Variants in PRKN observed in about 807,000 individuals in gnomAD.
PRKN encodes the protein parkin RBR E3 ubiquitin protein ligase, also known as E3 ubiquitin-protein ligase parkin.
PRKN carries 56 observed loss-of-function variants against 59.5 expected under a neutral mutation model. The ratio of observed to expected loss-of-function variants is 0.94; its 90% CI spans 0.76 to 1.18. The LOEUF is 1.18. Ranked by LOEUF, PRKN falls within the 50% of genes most tolerant of loss-of-function variation. The probability of loss-of-function intolerance (pLI) is 0.00; values close to 1 mark genes in which losing one functional copy is unlikely to be tolerated. For synonymous variants in PRKN, 250 were observed against 222.1 expected (o/e 1.13, Z -1.12); for missense variants, 657 against 596.4 (o/e 1.10, Z -1.06).
intron 7 of PRKN, among the ~76,000 whole-genome samples, chr6:161,676,965 C>T (rs1249648032): frequency 6.6e-6 from 1 of 152,176 alleles, no homozygotes; most frequent in Non-Finnish European, 1.5e-5. Context: ...GGTCTTTCAT[C>T]ATGTTCAAGG....
chr6:161,515,989 A>G (rs1778572488), intron 9 of PRKN, among the ~76,000 whole-genome samples: 2 of 152,254 alleles, frequency 1.3e-5, no homozygotes, highest in South Asian at 4.1e-4. Context: ...GATTTATCTC[A>G]GTGACCTGTA....
chr6:162,376,238 T>G (rs980061584), intron 2 of PRKN, among the ~76,000 whole-genome samples: 1 of 152,104 alleles, frequency 6.6e-6, no homozygotes, highest in Non-Finnish European at 1.5e-5. Flanking sequence ...TAAGGGAATT[T>G]TGTTACTCCT....
At chr6:162,712,870 C>T (rs1778587871) in intron 1 of PRKN, among the ~76,000 whole-genome samples, 1 of 152,156 alleles carries the variant, frequency 6.6e-6, no homozygotes, top group African/African-American at 2.4e-5. Flanking sequence ...TTTTCCAGGC[C>T]TAACAAACTT....
At chr6:162,480,355 G>A (rs188407265) in intron 1 of PRKN, among the ~76,000 whole-genome samples, 210 of 152,236 alleles carry the variant, frequency 1.4e-3, no homozygotes, top group African/African-American at 4.5e-3. Flanking sequence ...AAATGTCATG[G>A]GGCACATGGC....
At chr6:161,743,683 G>A (rs936100142) in intron 7 of PRKN, among the ~76,000 whole-genome samples, 11 of 152,002 alleles carry the variant, frequency 7.2e-5, no homozygotes, top group East Asian at 3.9e-4. Flanking sequence ...GAACACTGCC[G>A]GGCACACCGT....
At chr6:162,121,885 C>A (rs567694193) in intron 4 of PRKN, among the ~76,000 whole-genome samples, 1 of 152,238 alleles carries the variant, frequency 6.6e-6, no homozygotes, top group East Asian at 1.9e-4. Context: ...CACTAAAACA[C>A]TGGTTGATGC....
intron 5 of PRKN, among the ~76,000 whole-genome samples, chr6:161,986,128 C>T (rs549284432): frequency 6.6e-6 from 1 of 152,256 alleles, no homozygotes; most frequent in Admixed American, 6.5e-5. Context: ...GACCCAATGA[C>T]CCAGAAGTTA....
At chr6:162,580,532 G>A (rs1431790822) in intron 1 of PRKN, among the ~76,000 whole-genome samples, 1 of 151,268 alleles carries the variant, frequency 6.6e-6, no homozygotes, top group Non-Finnish European at 1.5e-5. Flanking sequence ...TGGGGTGACA[G>A]GGACCTGTAT....
chr6:162,339,964 A>C (rs556079879), intron 2 of PRKN, among the ~76,000 whole-genome samples: 33 of 146,776 alleles, frequency 2.2e-4, no homozygotes, highest in Middle Eastern at 3.4e-3. Context: ...GTCATCACCA[A>C]TCCCTAATCT....
At chr6:162,415,697 G>C (rs1226397081) in intron 2 of PRKN, among the ~76,000 whole-genome samples, 2 of 152,026 alleles carry the variant, frequency 1.3e-5, no homozygotes, top group Non-Finnish European at 2.9e-5. Context: ...CCCATCTGTA[G>C]TCCCAGCTAC....
chr6:162,321,170 T>G (rs765753816), intron 2 of PRKN, among the ~76,000 whole-genome samples: 53 of 151,844 alleles, frequency 3.5e-4, no homozygotes, highest in Non-Finnish European at 6.8e-4. Context: ...AAATTACCAA[T>G]GTCAGAAACA....
At chr6:162,037,798 G>A (rs1783906928) in intron 5 of PRKN, among the ~76,000 whole-genome samples, 1 of 151,890 alleles carries the variant, frequency 6.6e-6, no homozygotes, top group African/African-American at 2.4e-5. Context: ...ACCCGCCTCA[G>A]CCTCCCAAAG....
chr6:161,717,779 CTG>C (rs1392823423), intron 7 of PRKN, among the ~76,000 whole-genome samples: 1 of 152,160 alleles, frequency 6.6e-6, no homozygotes, highest in Non-Finnish European at 1.5e-5. Flanking sequence ...AAGGGGGTGC[CTG>C]TGTGTCACGC....
intron 6 of PRKN, among the ~76,000 whole-genome samples, chr6:161,927,706 C>T (rs1477575716): frequency 1.3e-5 from 2 of 151,250 alleles, no homozygotes; most frequent in East Asian, 3.9e-4. Flanking sequence ...ACTTGGGAGG[C>T]GGAAGTTGCA....
intron 4 of PRKN, among the ~76,000 whole-genome samples, chr6:162,117,054 G>A (rs1780705107): frequency 6.6e-6 from 1 of 152,064 alleles, no homozygotes. Flanking sequence ...TGGTTTCTGA[G>A]TAACACATAA....
At chr6:162,545,862 T>C (rs1342579312) in intron 1 of PRKN, among the ~76,000 whole-genome samples, 1 of 152,110 alleles carries the variant, frequency 6.6e-6, no homozygotes, top group Non-Finnish European at 1.5e-5. Context: ...ATGTGGGCAA[T>C]TAGCAAATGA....
chr6:162,345,120 G>T (rs1426117097), intron 2 of PRKN, among the ~76,000 whole-genome samples: 1 of 152,196 alleles, frequency 6.6e-6, no homozygotes, highest in Non-Finnish European at 1.5e-5. Context: ...CAGATGTGAA[G>T]AGGTGAAGAC....
intron 6 of PRKN, among the ~76,000 whole-genome samples, chr6:161,948,427 T>C (rs1779862346): frequency 1.3e-5 from 2 of 152,228 alleles, no homozygotes; most frequent in South Asian, 4.1e-4. Context: ...GGGATACAGA[T>C]GTGAATACAG....
chr6:161,688,884 G>A (rs1465638122), intron 7 of PRKN, among the ~76,000 whole-genome samples: 1 of 152,128 alleles, frequency 6.6e-6, no homozygotes, highest in Non-Finnish European at 1.5e-5. Flanking sequence ...CGTGGACATG[G>A]AAGGAAACAC....
Sources: allele counts gnomAD v4.1 joint callset (sites outside exome capture counted in the v4.1 genomes callset), GRCh38; gene constraint gnomAD v4.1.1; transcripts MANE v1.5; gene names NCBI Gene and HGNC (gene_info 2026-07-23, HGNC 2026-07-21).